The following NKAIN3 variants were observed in gnomAD, a reference collection of about 807,000 sequenced individuals.
NKAIN3 encodes sodium/potassium transporting ATPase interacting 3.
A neutral mutation model predicts 30.2 loss-of-function variants in NKAIN3; 25 were observed. The observed-to-expected ratio is 0.83, with a 90% CI of 0.60 to 1.16. The LOEUF (loss-of-function observed/expected upper bound fraction) is 1.16. Among genes scored for constraint, NKAIN3 ranks in the 50% most tolerant of loss-of-function variants. NKAIN3 has a pLI of 0.00. For missense variants in NKAIN3, 225 were observed against 254.1 expected (o/e 0.89, Z 0.78); for synonymous variants, 91 against 89.6 (o/e 1.02, Z -0.09).
At chr8:62,381,723 C>T (rs1817284340) in intron 1 of NKAIN3, among the ~76,000 whole-genome samples, 1 of 152,126 alleles carries the variant, frequency 6.6e-6, no homozygotes, top group Non-Finnish European at 1.5e-5. Flanking sequence ...CTCAGTTCTC[C>T]TAACTACTAG....
intron 1 of NKAIN3, among the ~76,000 whole-genome samples, chr8:62,342,235 C>CAAAA (rs3058285): frequency 0.045 from 5,594 of 124,624 alleles, 184 homozygotes; most frequent in Non-Finnish European, 0.06. Flanking sequence ...ACCACTGAAC[C>CAAAA]AAAAAAAAAA....
intron 1 of NKAIN3, among the ~76,000 whole-genome samples, chr8:62,484,195 T>C (rs34895459): frequency 0.1 from 15,842 of 152,144 alleles, 872 homozygotes; most frequent in East Asian, 0.13. Context: ...GACTCATCTC[T>C]TGTCACCTCT....
Position 62,280,509 on chromosome 8 carries a change from G to T in NKAIN3, c.54+31382G>T, listed in dbSNP as rs963287277. Among the ~76,000 whole-genome samples the T allele has an allele frequency of 2.6e-5, 4 of 152,066 alleles. No homozygotes were observed. In the South Asian group the frequency reaches 8.3e-4, roughly 31 times the overall value. ...CCATTCAGTATGATATTGGCTGTGGGTTTCTCATAAATAGCTCTTATTATT... is the reference window on the plus strand; with the variant it reads ...CCATTCAGTATGATATTGGCTGTGGTTTTCTCATAAATAGCTCTTATTATT... On this transcript the variant is annotated intron_variant, in intron 1 of 6. Coordinates refer to ENST00000623646, the MANE Select transcript of NKAIN3 (RefSeq NM_001304533.3).
At chr8:62,985,364 G>T (rs1824181184), downstream of NKAIN3, among the ~76,000 whole-genome samples, 1 of 152,140 alleles carries the variant, frequency 6.6e-6, no homozygotes, top group South Asian at 2.1e-4. Flanking sequence ...CTTAAAGTAG[G>T]TCTCAGGTAC....
chr8:62,581,249 C>T (rs577749537), intron 2 of NKAIN3, among the ~76,000 whole-genome samples: 2 of 152,146 alleles, frequency 1.3e-5, no homozygotes, highest in African/African-American at 2.4e-5. Flanking sequence ...GCCTAAGATG[C>T]TTTCATAACA....
intron 1 of NKAIN3, among the ~76,000 whole-genome samples, chr8:62,550,173 C>T (rs903647228): frequency 4.6e-5 from 7 of 151,952 alleles, no homozygotes; most frequent in Non-Finnish European, 1.0e-4. Flanking sequence ...TGCTATTTGC[C>T]ATCAAACTAT....
intron 6 of NKAIN3, among the ~76,000 whole-genome samples, chr8:62,960,088 C>A (rs1259570314): frequency 1.3e-5 from 2 of 152,204 alleles, no homozygotes; most frequent in African/African-American, 4.8e-5. Flanking sequence ...ACTTATTTGA[C>A]TATGTAGCAG....
intron 3 of NKAIN3, among the ~76,000 whole-genome samples, chr8:62,710,251 T>C (rs977524542): frequency 1.3e-5 from 2 of 152,098 alleles, no homozygotes; most frequent in African/African-American, 2.4e-5. Context: ...TGTTCCAAGG[T>C]GTAGTTTAAA....
intron 4 of NKAIN3, among the ~76,000 whole-genome samples, chr8:62,787,707 G>A (rs1292709100): frequency 9.2e-5 from 14 of 152,060 alleles, no homozygotes; most frequent in Non-Finnish European, 1.5e-5. Flanking sequence ...AGTCCCCGGT[G>A]TGTGATGTTC....
chr8:62,678,954 T>C (rs1813567828), intron 3 of NKAIN3, among the ~76,000 whole-genome samples: 1 of 152,112 alleles, frequency 6.6e-6, no homozygotes, highest in Admixed American at 6.6e-5. Context: ...TACCAAGTGG[T>C]AGCTCTTAAG....
intron 3 of NKAIN3, among the ~76,000 whole-genome samples, chr8:62,744,658 C>A (rs1321275103): frequency 6.6e-6 from 1 of 152,104 alleles, no homozygotes; most frequent in East Asian, 1.9e-4. Flanking sequence ...AATCTGATGA[C>A]CAAAAAAGGG....
chr8:62,653,804 T>C (rs1812692773), intron 3 of NKAIN3, among the ~76,000 whole-genome samples: 2 of 152,260 alleles, frequency 1.3e-5, no homozygotes, highest in Admixed American at 6.5e-5. Flanking sequence ...TTGTTACCTG[T>C]ACGATCTTAT....
intron 1 of NKAIN3, among the ~76,000 whole-genome samples, chr8:62,345,953 T>C (rs963027478): frequency 3.3e-5 from 5 of 152,004 alleles, no homozygotes; most frequent in African/African-American, 1.2e-4. Flanking sequence ...ATTATGTAAG[T>C]GAAGCAAGCC....
intron 4 of NKAIN3, among the ~76,000 whole-genome samples, chr8:62,800,943 A>C (rs1169436312): frequency 6.6e-6 from 1 of 152,184 alleles, no homozygotes; most frequent in Non-Finnish European, 1.5e-5. Flanking sequence ...GGGCTTAAAA[A>C]ACGGTGCACC....
intron 1 of NKAIN3, among the ~76,000 whole-genome samples, chr8:62,519,955 C>G (rs1808105403): frequency 6.6e-6 from 1 of 152,180 alleles, no homozygotes; most frequent in Non-Finnish European, 1.5e-5. Context: ...TCCTGATGGA[C>G]TCGCAAAATT....
At chr8:62,585,828 T>G (rs567521445) in intron 2 of NKAIN3, among the ~76,000 whole-genome samples, 1 of 152,312 alleles carries the variant, frequency 6.6e-6, no homozygotes, top group African/African-American at 2.4e-5. Context: ...ATATTTACCC[T>G]TCACAAAGCA....
intron 5 of NKAIN3, among the ~76,000 whole-genome samples, chr8:62,951,377 C>T (rs1823280521): frequency 6.6e-6 from 1 of 152,176 alleles, no homozygotes; most frequent in Admixed American, 6.5e-5. Context: ...CAACAGAACA[C>T]CAATTAAATT....
chr8:62,357,527 A>G (rs554314295), intron 1 of NKAIN3, among the ~76,000 whole-genome samples: 13 of 152,324 alleles, frequency 8.5e-5, no homozygotes, highest in Non-Finnish European at 7.4e-5. Flanking sequence ...TAGGAGTCCT[A>G]GAATAAAGGC....
At chr8:62,794,875 T>C (rs1586202629) in intron 4 of NKAIN3, among the ~76,000 whole-genome samples, 2 of 152,180 alleles carry the variant, frequency 1.3e-5, no homozygotes, top group Admixed American at 1.3e-4. Context: ...TCTTGGCTCC[T>C]GCTGCTTCTT....
Sources: gnomAD v4.1 joint callset for allele counts (sites outside exome capture counted in the v4.1 genomes callset) on GRCh38, gnomAD v4.1.1 for gene constraint, MANE v1.5 for transcripts, NCBI Gene and HGNC (gene_info 2026-07-23, HGNC 2026-07-21) for gene names.